The following SORCS2 variants were observed in gnomAD, a reference collection of about 807,000 sequenced individuals.
SORCS2 encodes sortilin related VPS10 domain containing receptor 2.
In SORCS2, 100 loss-of-function variants were observed where a neutral mutation model predicts 141.6. The observed-to-expected ratio is 0.71, with a 90% CI of 0.60 to 0.83. The LOEUF is 0.83. Ranked by LOEUF, SORCS2 falls within the 40% of genes least tolerant of loss-of-function variation. The pLI, the probability that SORCS2 is intolerant of heterozygous loss-of-function variation, is 0.00. For synonymous variants in SORCS2, 789 were observed against 676.9 expected (o/e 1.17, Z -2.57); for missense variants, 1,646 against 1,560.2 (o/e 1.05, Z -0.93).
intron 2 of SORCS2, among the ~76,000 whole-genome samples, chr4:7,514,835 C>T (rs1391667078): frequency 6.6e-6 from 1 of 152,140 alleles, no homozygotes; most frequent in Non-Finnish European, 1.5e-5. Context: ...GGCTGTATGC[C>T]AGGCAGCTCA....
intron 2 of SORCS2, among the ~76,000 whole-genome samples, chr4:7,514,461 G>A (rs564307207): frequency 6.6e-6 from 1 of 151,510 alleles, no homozygotes; most frequent in Non-Finnish European, 1.5e-5. Context: ...CAAAATCCAG[G>A]CCTGTTGTCA....
intron 8 of SORCS2, among the ~76,000 whole-genome samples, chr4:7,669,848 A>G (rs1463026221): frequency 2.0e-5 from 3 of 152,214 alleles, no homozygotes; most frequent in African/African-American, 4.8e-5. Context: ...ACAGGACACT[A>G]TAGCATGAGA....
rs191889019 is a variant in SORCS2, at chr4:7,664,891, C to T, written c.1071+420C>T. On this transcript the variant is annotated intron_variant, in intron 7 of 26. Transcript: ENST00000507866. This position sits in a 1 kb window ranked among gnomAD's most constrained non-coding sequence, Gnocchi z 4.7. ...CTGTGCCCTCAGGTCACAAGTGGGC[C>T]CACCCTCAGCAGCCATGTGGTCCCA... 6.6e-6 allele frequency among the ~76,000 whole-genome samples: 1 copy of T among 152,332 alleles called. No homozygotes were observed. Among genetic ancestry groups the T allele is most frequent in the East Asian group, 1.9e-4 (1 of 5,178 alleles).
chr4:7,205,197 C>T (rs779750413), intron 1 of SORCS2, among the ~76,000 whole-genome samples: 2 of 152,174 alleles, frequency 1.3e-5, no homozygotes, highest in Admixed American at 6.5e-5. Flanking sequence ...GTGTACCTGG[C>T]TGTGGGTTAG....
intron 8 of SORCS2, among the ~76,000 whole-genome samples, chr4:7,673,743 G>A (rs1385794287): frequency 6.6e-6 from 1 of 152,114 alleles, no homozygotes; most frequent in South Asian, 2.1e-4. Flanking sequence ...TTACCCAGGG[G>A]CATAGGAGGC....
intron 3 of SORCS2, among the ~76,000 whole-genome samples, chr4:7,560,951 A>G (rs1385972215): frequency 6.6e-6 from 1 of 152,160 alleles, no homozygotes; most frequent in African/African-American, 2.4e-5. Flanking sequence ...ACTCTTGTCC[A>G]TGGCTGCAGA....
chr4:7,739,217 C>T (rs776402303), intron 26 of SORCS2, among the ~76,000 whole-genome samples: 42 of 152,216 alleles, frequency 2.8e-4, no homozygotes, highest in Non-Finnish European at 5.9e-4. Flanking sequence ...TGTGTGCCCC[C>T]CGAAGGCCCC....
intron 1 of SORCS2, among the ~76,000 whole-genome samples, chr4:7,276,441 A>G (rs1276250752): frequency 6.6e-6 from 1 of 151,920 alleles, no homozygotes; most frequent in East Asian, 1.9e-4. Flanking sequence ...CTTCATGTTC[A>G]GTCTGTTCTG....
intron 1 of SORCS2, among the ~76,000 whole-genome samples, chr4:7,231,019 T>A (rs1269140446): frequency 6.6e-6 from 1 of 152,220 alleles, no homozygotes; most frequent in African/African-American, 2.4e-5. Context: ...TCCATATCCA[T>A]ATCCATATCT....
chr4:7,269,025 G>A (rs912776824), intron 1 of SORCS2, among the ~76,000 whole-genome samples: 1 of 152,234 alleles, frequency 6.6e-6, no homozygotes, highest in Admixed American at 6.5e-5. Flanking sequence ...CTGGGGCCTG[G>A]TGGTTGGCAG....
chr4:7,426,389 C>T (rs372794105), intron 2 of SORCS2, among the ~76,000 whole-genome samples: 30 of 151,454 alleles, frequency 2.0e-4, no homozygotes, highest in African/African-American at 5.1e-4. Context: ...CACACTGCCC[C>T]GCTGAGGGTG....
Position 7,723,346 on chromosome 4 carries a change from C to G in SORCS2, c.2425-351C>G, listed in dbSNP as rs551355068. ...GGCCCCTCACCTTCCTGGCTCCATC[C>G]CTAGCACGGGCCTCTGTGGGTCTCC... is the stretch of plus-strand genomic sequence containing the variant. On this transcript the variant is annotated intron_variant, in intron 18 of 26. Coordinates refer to ENST00000507866, the MANE Select transcript of SORCS2 (RefSeq NM_020777.3). 4.6e-5 allele frequency among the ~76,000 whole-genome samples: 7 copies of G among 152,294 alleles called. No homozygotes were observed. In the East Asian group the frequency reaches 1.4e-3, roughly 29 times the overall value.
intron 22 of SORCS2, among the ~76,000 whole-genome samples, chr4:7,729,006 C>T (rs1197266818): frequency 1.3e-5 from 2 of 152,190 alleles, no homozygotes; most frequent in South Asian, 2.1e-4. Flanking sequence ...CTTCCCCTCC[C>T]GTGAATAATG....
chr4:7,717,928 G>T, intron 17 of SORCS2, 84 bp from the exon 18 acceptor site: 1 of 1,409,164 alleles, frequency 7.1e-7, no homozygotes, highest in Non-Finnish European at 9.3e-7. Flanking sequence ...CCTCTGGGTG[G>T]CAAGCACGTC....
At chr4:7,304,141 A>T (rs2108905245) in intron 1 of SORCS2, among the ~76,000 whole-genome samples, 1 of 152,376 alleles carries the variant, frequency 6.6e-6, no homozygotes, top group Admixed American at 6.5e-5. Context: ...CGCTGGAGAT[A>T]ACAGCAAAGA....
chr4:7,227,437 C>T (rs938450285), intron 1 of SORCS2, among the ~76,000 whole-genome samples: 2 of 152,238 alleles, frequency 1.3e-5, no homozygotes, highest in African/African-American at 4.8e-5. Context: ...TGCTCCAGAG[C>T]AGACGTAGCC....
At chr4:7,553,712 G>GA (rs1713900114) in intron 3 of SORCS2, among the ~76,000 whole-genome samples, 1 of 152,222 alleles carries the variant, frequency 6.6e-6, no homozygotes, top group Admixed American at 6.5e-5. Flanking sequence ...AGAATGGATG[G>GA]AAGCCCAGCA....
intron 1 of SORCS2, among the ~76,000 whole-genome samples, chr4:7,359,363 A>G (rs1300391708): frequency 6.6e-6 from 1 of 152,168 alleles, no homozygotes; most frequent in Non-Finnish European, 1.5e-5. Context: ...CAGACTCCTG[A>G]CCTCAAGTGA....
At position 7,728,864 on chromosome 4, in the gene SORCS2, C is replaced by T. The variant is rs565482526; in HGVS notation, c.2982+402C>T. On this transcript the variant is annotated intron_variant, in intron 22 of 26. Coordinates refer to ENST00000507866, the MANE Select transcript of SORCS2 (RefSeq NM_020777.3). ...AGAAGAACCCAGTGTGCTCACTGGC[C>T]TCAGGAGCTCCCGGGTGGCAGACAT... Among the ~76,000 whole-genome samples, 16 of 152,314 alleles carry T rather than the reference C, an allele frequency of 1.1e-4. No individual in the cohort carries two copies. In the South Asian group the frequency reaches 1.2e-3, roughly 12 times the overall value.
Sources: allele counts gnomAD v4.1 joint callset (sites outside exome capture counted in the v4.1 genomes callset), GRCh38; gene constraint gnomAD v4.1.1; non-coding constraint Gnocchi (gnomAD v3.1); transcripts MANE v1.5; gene names NCBI Gene and HGNC (gene_info 2026-07-23, HGNC 2026-07-21).